IRAG2: variants seen among roughly 807,000 people sequenced by gnomAD.
IRAG2 encodes the protein lymphoid restricted membrane protein.
Under a neutral mutation model 69.9 loss-of-function variants are expected in IRAG2, and 45 were observed. That is an observed-to-expected ratio of 0.64 (90% CI 0.51 to 0.83). The LOEUF (loss-of-function observed/expected upper bound fraction) is 0.83. Among genes scored for constraint, IRAG2 ranks in the 40% least tolerant of loss-of-function variants. IRAG2 has a pLI of 0.00. For missense variants in IRAG2, 520 were observed against 587.0 expected (o/e 0.89, Z 1.18); for synonymous variants, 193 against 202.4 (o/e 0.95, Z 0.40).
intron 3 of IRAG2, chr12:25,011,645 C>T: frequency 4.7e-6 from 4 of 849,880 alleles, no homozygotes; most frequent in Non-Finnish European, 6.2e-6. Context: ...GATGGAAATA[C>T]TATTGTCCAG....
intron 2 of IRAG2, among the ~76,000 whole-genome samples, chr12:25,007,945 A>AT (rs1944445478): frequency 1.3e-5 from 2 of 152,018 alleles, no homozygotes; most frequent in South Asian, 4.2e-4. Context: ...GAGGGTTTTT[A>AT]TTTTATTTTT....
In IRAG2 at chr12:25,102,206, C is replaced by A. The variant is rs757821918; in HGVS notation, c.898C>A (p.Gln300Lys). 6 of 1,612,852 alleles carry A rather than the reference C, an allele frequency of 3.7e-6. No individual in the cohort carries two copies. The highest frequency in any genetic ancestry group is 5.1e-6 in the Non-Finnish European group (6 of 1,179,308). ...FNPLEDDDDC[Q>K]IKKRSASLNS... Reference sequence around the variant, plus strand: ...TGTGTTTTTCCTTTCAGATGACTGCCAAATTAAAAAACGTTCAGCTTCTCT... The same window carrying A: ...TGTGTTTTTCCTTTCAGATGACTGCAAAATTAAAAAACGTTCAGCTTCTCT... Residue 300 changes from glutamine (Q) to lysine (K), a missense_variant, in exon 17 of 22, where the codon CAA (glutamine) becomes AAA (lysine). Physicochemically the swap from Gln to Lys is moderately conservative, Grantham distance 53. Transcript: ENST00000556887.
intron 1 of IRAG2, among the ~76,000 whole-genome samples, chr12:25,053,412 A>G (rs1944987798): frequency 6.6e-6 from 1 of 151,996 alleles, no homozygotes. Context: ...ATAATTATGA[A>G]TTCAGTGTAT....
chr12:25,024,344 C>A (rs1345920880), intron 8 of IRAG2, among the ~76,000 whole-genome samples: 3 of 152,088 alleles, frequency 2.0e-5, no homozygotes, highest in African/African-American at 7.2e-5. Flanking sequence ...GCTAATAGTA[C>A]CTATGCCATG....
chr12:25,018,260 G>A (rs538530293), intron 6 of IRAG2, among the ~76,000 whole-genome samples: 8 of 135,346 alleles, frequency 5.9e-5, no homozygotes, highest in South Asian at 4.7e-4. Context: ...GCAGCGGCAC[G>A]ATCTCAGCTC....
chr12:25,062,622 C>A (rs1454968973), intron 2 of IRAG2, among the ~76,000 whole-genome samples, 198 bp from the exon 3 acceptor site: 1 of 152,164 alleles, frequency 6.6e-6, no homozygotes, highest in African/African-American at 2.4e-5. Flanking sequence ...GATTTCATTC[C>A]TAGATCAAGT....
chr12:25,089,616 T>G lies in IRAG2; in HGVS notation c.376T>G (p.Ser126Ala). The G allele has an allele frequency of 6.3e-7, 1 of 1,575,702 alleles. No individual in the cohort carries two copies. The highest frequency in any genetic ancestry group is 8.7e-7 in the Non-Finnish European group (1 of 1,147,864). The stretch of plus-strand genomic sequence containing the variant: ...AATATTTTATTATATTTTAATAGAC[T>G]CTGTGGTTTCCCCTCTTCCTGTAAC... ...EHKKEHASGD[S>A]VVSPLPVTTV... The change falls in exon 12 of 22, where the codon TCT (serine) becomes GCT (alanine). Residue 126 changes from serine to alanine, a missense_variant and splice_region_variant. By Grantham distance (99) the Ser-to-Ala change is moderately conservative. Coordinates refer to ENST00000556887, the MANE Select transcript of IRAG2 (RefSeq NM_001366544.2).
intron 16 of IRAG2, among the ~76,000 whole-genome samples, chr12:25,044,601 G>A (rs971896144): frequency 6.6e-6 from 1 of 151,952 alleles, no homozygotes; most frequent in Non-Finnish European, 1.5e-5. Flanking sequence ...CAAGCAAATG[G>A]TAGCCAAAAG....
chr12:25,015,149 GGTTTT>G, intron 3 of IRAG2: 1 of 945,734 alleles, frequency 1.1e-6, no homozygotes, highest in East Asian at 4.6e-5. Flanking sequence ...CTAGCTCACT[GGTTTT>G]GTTTTTTTTT....
At chr12:25,014,744 T>C (rs879626211) in intron 3 of IRAG2, among the ~76,000 whole-genome samples, 1 of 151,846 alleles carries the variant, frequency 6.6e-6, no homozygotes, top group Non-Finnish European at 1.5e-5. Context: ...TCATTGTTCG[T>C]GTATTTCCTT....
chr12:25,024,043 GACTTGTCAAATT>G, intron 8 of IRAG2: 1 of 454,796 alleles, frequency 2.2e-6, no homozygotes, highest in Non-Finnish European at 3.6e-6. Flanking sequence ...AGAGCAGGTT[GACTTGTCAAATT>G]ACAAGTGAGG....
At chr12:25,008,685 G>A (rs563413819) in intron 2 of IRAG2, among the ~76,000 whole-genome samples, 1 of 152,296 alleles carries the variant, frequency 6.6e-6, no homozygotes, top group African/African-American at 2.4e-5. Flanking sequence ...GCTGCAGTAA[G>A]CTGAGATGGT....
chr12:25,106,370 T>C (rs1429664254), intron 20 of IRAG2, among the ~76,000 whole-genome samples: 1 of 147,068 alleles, frequency 6.8e-6, no homozygotes, highest in African/African-American at 2.5e-5. Context: ...TATATAAATA[T>C]ATATATTATG....
At chr12:25,001,770 G>GTTTT (rs71063385), upstream of IRAG2, among the ~76,000 whole-genome samples, 2 of 135,992 alleles carry the variant, frequency 1.5e-5, no homozygotes, top group African/African-American at 2.7e-5. Context: ...TACTCTTTTG[G>GTTTT]TTTTTTTTTT....
chr12:25,000,112 A>C (rs1023650356), upstream of IRAG2, among the ~76,000 whole-genome samples: 1 of 152,224 alleles, frequency 6.6e-6, no homozygotes, highest in Non-Finnish European at 1.5e-5. Flanking sequence ...GCAGAAATTC[A>C]ATAAATATTG....
At chr12:25,077,611 G>A (rs568940274) in intron 6 of IRAG2, among the ~76,000 whole-genome samples, 1 of 151,882 alleles carries the variant, frequency 6.6e-6, no homozygotes, top group Admixed American at 6.6e-5. Flanking sequence ...AGTAGGATTT[G>A]TATTATATAT....
At chr12:25,088,226 T>C in intron 11 of IRAG2, 69 bp downstream of exon 11, 1 of 1,279,326 alleles carries the variant, frequency 7.8e-7, no homozygotes, top group African/African-American at 1.5e-5. Context: ...GGGTGAAATC[T>C]GTCTGAATAA....
chr12:25,090,867 G>A (rs1948001717), intron 14 of IRAG2: 1 of 453,614 alleles, frequency 2.2e-6, no homozygotes, highest in African/African-American at 2.0e-5. Context: ...TCAATTTTAA[G>A]CTTCAAAGAA....
At chr12:25,104,138 G>A (rs995757266) in intron 19 of IRAG2, 80 bp downstream of exon 19, 2 of 1,157,496 alleles carry the variant, frequency 1.7e-6, no homozygotes, top group African/African-American at 1.5e-5. Flanking sequence ...CTCAAATTAA[G>A]TGATATAGTA....
Sources: gnomAD v4.1 joint callset for allele counts (sites outside exome capture counted in the v4.1 genomes callset) on GRCh38, gnomAD v4.1.1 for gene constraint, MANE v1.5 for transcripts, NCBI Gene and HGNC (gene_info 2026-07-23, HGNC 2026-07-21) for gene names.